The following SLC35F4 variants were observed in gnomAD, a reference collection of about 807,000 sequenced individuals.
The protein encoded by SLC35F4 is chromosome 14 open reading frame 36.
A neutral mutation model predicts 44.2 loss-of-function variants in SLC35F4; 24 were observed. The ratio of observed to expected loss-of-function variants is 0.54; its 90% CI spans 0.39 to 0.76. The LOEUF (loss-of-function observed/expected upper bound fraction) is 0.76. Ranked by LOEUF, SLC35F4 falls within the 30% of genes least tolerant of loss-of-function variation. The pLI is 0.00. For synonymous variants in SLC35F4, 238 were observed against 223.6 expected, an observed-to-expected ratio of 1.06 and a Z score of -0.57; for missense variants, 562 against 586.1, an observed-to-expected ratio of 0.96 and a Z score of 0.42.
intron 1 of SLC35F4, among the ~76,000 whole-genome samples, chr14:57,842,918 C>G (rs1254005174): frequency 1.3e-5 from 2 of 152,174 alleles, no homozygotes; most frequent in African/African-American, 4.8e-5. Flanking sequence ...ATAAAGCAGG[C>G]AGAAGAAGGT....
chr14:57,930,183 T>G, intron 1 of SLC35F4, among the ~76,000 whole-genome samples: 1 of 152,174 alleles, frequency 6.6e-6, no homozygotes, highest in East Asian at 1.9e-4. Context: ...GTGTCACAAG[T>G]TAATTCAGTG....
chr14:57,874,549 G>A (rs1451845124), intron 1 of SLC35F4, among the ~76,000 whole-genome samples: 1 of 152,182 alleles, frequency 6.6e-6, no homozygotes, highest in Non-Finnish European at 1.5e-5. Flanking sequence ...TACAAAGAAG[G>A]AAACTGAGGC....
intron 2 of SLC35F4, among the ~76,000 whole-genome samples, chr14:57,593,736 C>G (rs1336954544): frequency 1.3e-5 from 2 of 152,134 alleles, no homozygotes; most frequent in Non-Finnish European, 2.9e-5. Context: ...TTTTGGCATT[C>G]AGTTTCTCTG....
At chr14:57,630,046 T>C in intron 1 of SLC35F4, 2 of 538,240 alleles carry the variant, frequency 3.7e-6, no homozygotes, top group South Asian at 2.8e-5. Flanking sequence ...CTACATTCGC[T>C]GTCCAAGAGG....
At chr14:57,964,934 C>G (rs1890407233) in intron 1 of SLC35F4, among the ~76,000 whole-genome samples, 1 of 147,522 alleles carries the variant, frequency 6.8e-6, no homozygotes, top group African/African-American at 2.5e-5. Flanking sequence ...CCAGGTATCT[C>G]TCAAACTTGT....
At position 57,905,546 on chromosome 14, in the gene SLC35F4, T is replaced by C. The variant is rs537808571; in HGVS notation, n.282+76367A>G. 3.9e-5 allele frequency among the ~76,000 whole-genome samples: 6 copies of C among 152,306 alleles called. No homozygotes were observed. In the South Asian group the frequency reaches 1.2e-3, roughly 32 times the overall value. On this transcript the variant is annotated intron_variant and non_coding_transcript_variant, in intron 1 of 1. Coordinates refer to the SLC35F4 transcript ENST00000556568. ...AGATTACATTCTGCCTGTAACAGTG[T>C]TTGAGTTGCCTCTGTGGCCATGCAG...
chr14:57,741,953 A>G (rs2076620119), intron 1 of SLC35F4, among the ~76,000 whole-genome samples: 1 of 152,002 alleles, frequency 6.6e-6, no homozygotes, highest in Non-Finnish European at 1.5e-5. Context: ...TCAACCCAGA[A>G]TTTCATATCA....
chr14:57,766,442 G>A (rs1260479187), intron 1 of SLC35F4, among the ~76,000 whole-genome samples: 1 of 152,232 alleles, frequency 6.6e-6, no homozygotes, highest in Non-Finnish European at 1.5e-5. Flanking sequence ...CAGTGGAAAT[G>A]AAGATAGTTG....
At chr14:57,974,153 G>A (rs1881140499), downstream of SLC35F4, among the ~76,000 whole-genome samples, 2 of 152,120 alleles carry the variant, frequency 1.3e-5, no homozygotes, top group South Asian at 4.1e-4. Context: ...CTCATTTAGG[G>A]ACCCAAACAG....
At chr14:57,927,560 G>A (rs376520370) in intron 1 of SLC35F4, among the ~76,000 whole-genome samples, 2 of 150,290 alleles carry the variant, frequency 1.3e-5, no homozygotes, top group Non-Finnish European at 3.0e-5. Context: ...TCATGATCTC[G>A]GTTCACTGCA....
At chr14:57,734,000 C>G (rs1192002053) in intron 1 of SLC35F4, among the ~76,000 whole-genome samples, 8 of 152,124 alleles carry the variant, frequency 5.3e-5, no homozygotes. Flanking sequence ...ATCTATTCAG[C>G]CATGTCATCC....
At chr14:57,796,361 A>G (rs1367891136) in intron 1 of SLC35F4, among the ~76,000 whole-genome samples, 1 of 152,164 alleles carries the variant, frequency 6.6e-6, no homozygotes, top group Non-Finnish European at 1.5e-5. Context: ...TAATCAATCT[A>G]TTTTCACCAG....
intron 1 of SLC35F4, among the ~76,000 whole-genome samples, chr14:57,948,674 C>T (rs1890079624): frequency 6.6e-6 from 1 of 152,050 alleles, no homozygotes; most frequent in Non-Finnish European, 1.5e-5. Context: ...GCCTTTAATG[C>T]TATAAACTTT....
chr14:57,568,860 C>A (rs1049194458), intron 6 of SLC35F4, among the ~76,000 whole-genome samples: 6 of 152,034 alleles, frequency 3.9e-5, no homozygotes, highest in African/African-American at 1.2e-4. Flanking sequence ...ATAGAAGCGG[C>A]ATGAAAAGGA....
At chr14:57,698,824 C>T (rs1051421359) in intron 1 of SLC35F4, among the ~76,000 whole-genome samples, 4 of 152,006 alleles carry the variant, frequency 2.6e-5, no homozygotes, top group African/African-American at 9.7e-5. Flanking sequence ...AGGGGTTTCG[C>T]CATGTTGGCC....
intron 1 of SLC35F4, chr14:57,595,862 A>G (rs980972454): frequency 5.9e-5 from 9 of 152,224 alleles, no homozygotes; most frequent in African/African-American, 2.2e-4. Flanking sequence ...AAGCATTTCT[A>G]TTTCTTCTAT....
At chr14:57,694,389 T>C (rs928505663) in intron 1 of SLC35F4, among the ~76,000 whole-genome samples, 1 of 152,202 alleles carries the variant, frequency 6.6e-6, no homozygotes, top group Non-Finnish European at 1.5e-5. Context: ...GGATCAGATA[T>C]CACTTTTTGT....
At chr14:57,700,555 T>A (rs929464613) in intron 1 of SLC35F4, among the ~76,000 whole-genome samples, 20 of 152,152 alleles carry the variant, frequency 1.3e-4, no homozygotes, top group Non-Finnish European at 2.8e-4. Flanking sequence ...AATTAAAAAA[T>A]TTTTGACTCT....
chr14:57,922,669 C>A (rs1889464803), intron 1 of SLC35F4, among the ~76,000 whole-genome samples: 1 of 152,176 alleles, frequency 6.6e-6, no homozygotes, highest in African/African-American at 2.4e-5. Context: ...TAAAGTCAGA[C>A]CAACTATATT....
Sources: gnomAD v4.1 joint callset for allele counts (sites outside exome capture counted in the v4.1 genomes callset) on GRCh38, gnomAD v4.1.1 for gene constraint, MANE v1.5 for transcripts, NCBI Gene and HGNC (gene_info 2026-07-23, HGNC 2026-07-21) for gene names.